Variants in CFAP20DC observed in about 807,000 individuals in gnomAD.
The protein encoded by CFAP20DC is protein CFAP20DC.
Under a neutral mutation model 101.7 loss-of-function variants are expected in CFAP20DC, and 84 were observed. The observed-to-expected ratio is 0.83, with a 90% CI of 0.69 to 0.99. The LOEUF is 0.99. CFAP20DC is among the 50% of genes least tolerant of loss of function. CFAP20DC has a pLI of 0.00. For synonymous variants in CFAP20DC, 359 were observed against 351.2 expected, an observed-to-expected ratio of 1.02 and a Z score of -0.25; for missense variants, 1,007 against 970.3, an observed-to-expected ratio of 1.04 and a Z score of -0.50.
intron 14 of CFAP20DC, among the ~76,000 whole-genome samples, chr3:58,827,258 A>G (rs2076103039): frequency 6.6e-6 from 1 of 152,132 alleles, no homozygotes; most frequent in Admixed American, 6.6e-5. Flanking sequence ...CCAAAAACCA[A>G]AAAACCAAAA....
chr3:58,736,333 T>C (rs1230627934), intron 3 of CFAP20DC, among the ~76,000 whole-genome samples: 1 of 152,204 alleles, frequency 6.6e-6, no homozygotes, highest in Non-Finnish European at 1.5e-5. Context: ...TTGCAAGTAG[T>C]GGAAAAAACA....
Position 58,814,876 on chromosome 3 carries a change from G to C in CFAP20DC, c.2176-8420C>G, listed in dbSNP as rs1366700862. 5.3e-5 allele frequency among the ~76,000 whole-genome samples: 8 copies of C among 150,000 alleles called. No homozygotes were observed. In the East Asian group the frequency reaches 9.9e-4, roughly 19 times the overall value. Reference sequence around the variant, plus strand: ...TAAAAGAGGATACAAACAAATGGAAGAACATTCCATGCTCATGGGTAGGAA... The same window carrying C: ...TAAAAGAGGATACAAACAAATGGAACAACATTCCATGCTCATGGGTAGGAA... On this transcript the variant is annotated intron_variant, in intron 14 of 16. Transcript: ENST00000482387.
At chr3:58,829,983 T>C (rs2076288684) in intron 14 of CFAP20DC, among the ~76,000 whole-genome samples, 1 of 152,160 alleles carries the variant, frequency 6.6e-6, no homozygotes, top group African/African-American at 2.4e-5. Flanking sequence ...CTACTGCAAA[T>C]TGTACTGGTA....
At position 58,884,699 on chromosome 3, in the gene CFAP20DC, A is replaced by G; in HGVS notation, c.561T>C (p.Gly187=). 1 of 1,604,784 alleles carries G rather than the reference A, an allele frequency of 6.2e-7. No homozygotes were observed. The highest frequency in any genetic ancestry group is 1.3e-5 in the African/African-American group (1 of 74,714). The change falls in exon 7 of 17, where the codon GGT becomes GGC. Residue 187 remains glycine, a synonymous_variant. Transcript: ENST00000482387. ...TAGGCTCATCTGTTGAAAAGGGAAC[A>G]CCATAGACAGCTGGAAATAAAGACA... is the stretch of plus-strand genomic sequence containing the variant. ...QDTADKDAVY[G]VPFSTDEPTD...
At chr3:58,763,813 T>C (rs1004662292) in intron 15 of CFAP20DC, among the ~76,000 whole-genome samples, 6 of 152,220 alleles carry the variant, frequency 3.9e-5, no homozygotes, top group African/African-American at 1.4e-4. Context: ...CTCCAGACCC[T>C]GTTTGCCTGG....
chr3:59,007,039 T>C lies in CFAP20DC; in HGVS notation c.278+32518A>G, dbSNP rs2093451318. 6.6e-6 allele frequency among the ~76,000 whole-genome samples: 1 copy of C among 152,156 alleles called. No individual in the cohort carries two copies. Among genetic ancestry groups the C allele is most frequent in the African/African-American group, 2.4e-5 (1 of 41,430 alleles). On this transcript the variant is annotated intron_variant, in intron 4 of 16. Coordinates refer to ENST00000482387, the MANE Select transcript of CFAP20DC (RefSeq NM_001394063.1). This position sits in a 1 kb window ranked among gnomAD's most constrained non-coding sequence, Gnocchi z 4.4. ...AGCGAGACTGGCCTTGCCAACTGTGTGGAGCTGGGTGAGGCCTTTTGCTAC... is the reference window on the plus strand; with the variant it reads ...AGCGAGACTGGCCTTGCCAACTGTGCGGAGCTGGGTGAGGCCTTTTGCTAC...
At chr3:58,917,032 C>G (rs1021840935) in intron 5 of CFAP20DC, among the ~76,000 whole-genome samples, 12 of 152,086 alleles carry the variant, frequency 7.9e-5, no homozygotes, top group Admixed American at 2.0e-4. Context: ...CAGGAAATAA[C>G]TTGATCTAAA....
chr3:58,765,192 T>C (rs954648744), intron 15 of CFAP20DC, among the ~76,000 whole-genome samples: 1 of 152,048 alleles, frequency 6.6e-6, no homozygotes, highest in Non-Finnish European at 1.5e-5. Context: ...AAAAACAAGA[T>C]TGTGTTTACG....
rs2084385685 is a variant in CFAP20DC, at chr3:58,913,726, CT to C, written c.531del (p.Asp178ThrfsTer28). ...AACATACCATCCTTATCAGCAGTGT[CT>C]TGTGGCTTTGATTTTAAGGTGAAGA... ...RKIFTLKSKP[Q>X]DTADKDAVYG... is the part of the protein sequence containing the mutation. On this transcript the variant is annotated frameshift_variant, in exon 6 of 17. Transcript: ENST00000482387. LOFTEE classifies it high-confidence loss of function. The surrounding 1 kb of genome is among the most constrained non-coding windows in gnomAD (Gnocchi z 4.4). 3 of 1,613,498 alleles carry C rather than the reference CT, an allele frequency of 1.9e-6. No homozygotes were observed. The highest frequency in any genetic ancestry group is 2.5e-6 in the Non-Finnish European group (3 of 1,179,756).
chr3:58,842,226 G>A (rs1177830479), intron 13 of CFAP20DC, among the ~76,000 whole-genome samples: 3 of 152,184 alleles, frequency 2.0e-5, no homozygotes, highest in African/African-American at 7.2e-5. Context: ...CAGAAGACGG[G>A]TGATTTCTGC....
chr3:59,035,883 G>C (rs1012526003), intron 4 of CFAP20DC, among the ~76,000 whole-genome samples: 3 of 152,106 alleles, frequency 2.0e-5, no homozygotes, highest in Non-Finnish European at 4.4e-5. Flanking sequence ...ACCTGACAGA[G>C]ACACAACAAA....
At chr3:58,879,066 T>A (rs1198617338) in intron 7 of CFAP20DC, among the ~76,000 whole-genome samples, 6 of 151,640 alleles carry the variant, frequency 4.0e-5, no homozygotes, top group Non-Finnish European at 8.8e-5. Flanking sequence ...GGTCAAATCC[T>A]AGGCCCAATG....
At chr3:58,955,022 A>G (rs796182725) in intron 4 of CFAP20DC, among the ~76,000 whole-genome samples, 91 of 152,244 alleles carry the variant, frequency 6.0e-4, no homozygotes, top group African/African-American at 2.1e-3. Flanking sequence ...ACTGAGGTAT[A>G]ATTTACATGC....
intron 15 of CFAP20DC, among the ~76,000 whole-genome samples, chr3:58,764,611 G>A (rs897341106): frequency 8.5e-5 from 13 of 152,136 alleles, no homozygotes; most frequent in Non-Finnish European, 1.3e-4. Context: ...CTTCTGCATC[G>A]CTCACACTGG....
chr3:58,862,606 C>A (rs1212777409), intron 12 of CFAP20DC: 1 of 985,298 alleles, frequency 1.0e-6, no homozygotes, highest in Admixed American at 6.1e-5. Flanking sequence ...TTCTCAACTG[C>A]CTCCGAAGGT....
intron 7 of CFAP20DC, among the ~76,000 whole-genome samples, chr3:58,879,759 G>C (rs1004071436): frequency 6.6e-6 from 1 of 152,084 alleles, no homozygotes; most frequent in Admixed American, 6.5e-5. Flanking sequence ...GGAGGGCATT[G>C]ATTATTAGAG....
intron 16 of CFAP20DC, among the ~76,000 whole-genome samples, chr3:58,746,674 T>C (rs2068227358): frequency 6.6e-6 from 1 of 152,162 alleles, no homozygotes; most frequent in Non-Finnish European, 1.5e-5. Context: ...TCGCGCATTA[T>C]AACCATGGGG....
chr3:58,829,853 G>A (rs2076279347), intron 14 of CFAP20DC, among the ~76,000 whole-genome samples: 1 of 152,146 alleles, frequency 6.6e-6, no homozygotes, highest in Admixed American at 6.5e-5. Context: ...CCTTTGTAAT[G>A]TTGGTCTCCA....
At chr3:58,776,294 A>G (rs945154626) in intron 15 of CFAP20DC, among the ~76,000 whole-genome samples, 2 of 152,176 alleles carry the variant, frequency 1.3e-5, no homozygotes, top group Non-Finnish European at 2.9e-5. Flanking sequence ...TTATGAAGAC[A>G]CAGATGCAGG....
Sources: gnomAD v4.1 joint callset for allele counts (sites outside exome capture counted in the v4.1 genomes callset) on GRCh38, gnomAD v4.1.1 for gene constraint, Gnocchi (gnomAD v3.1) non-coding constraint, MANE v1.5 for transcripts, NCBI Gene and HGNC (gene_info 2026-07-23, HGNC 2026-07-21) for gene names.